The following PCNX2 variants were observed in gnomAD, a reference collection of about 807,000 sequenced individuals.
PCNX2 encodes the protein pecanex-like protein 2.
In PCNX2, 168 loss-of-function variants were observed where a neutral mutation model predicts 223.8. The observed-to-expected ratio is 0.75, with a 90% confidence interval of 0.66 to 0.85. PCNX2 has a LOEUF of 0.85. Among genes scored for constraint, PCNX2 ranks in the 40% least tolerant of loss-of-function variants. The pLI is 0.00. For synonymous variants in PCNX2, 1,006 were observed against 1,052.6 expected (o/e 0.96, Z 0.86); for missense variants, 2,507 against 2,675.5 (o/e 0.94, Z 1.39).
rs149648003 is a variant in PCNX2 at position 233,228,675 on chromosome 1, T to A, written c.2359-1304A>T. Among the ~76,000 whole-genome samples, 887 of 152,362 alleles carry A rather than the reference T, an allele frequency of 5.8e-3. 9 individuals carry two copies. The highest frequency in any genetic ancestry group is 0.02 in the African/African-American group (836 of 41,592). On this transcript the variant is annotated intron_variant, in intron 9 of 33. Coordinates refer to ENST00000258229, the MANE Select transcript of PCNX2 (RefSeq NM_014801.4). ...TTAAGGCTGAATAATACTCCTTGTATGTCTGTATCACGTTTTGTTAATCCA... is the reference window on the plus strand; with the variant it reads ...TTAAGGCTGAATAATACTCCTTGTAAGTCTGTATCACGTTTTGTTAATCCA...
In PCNX2 at chr1:233,218,061, G is replaced by A. The variant is rs371118627; in HGVS notation, c.2628C>T (p.Val876=). The A allele has an allele frequency of 1.4e-4, 228 of 1,601,308 alleles. No individual in the cohort carries two copies. Among genetic ancestry groups the A allele is most frequent in the Non-Finnish European group, 1.8e-4 (217 of 1,173,788 alleles). The change falls in exon 11 of 34, where the codon GTC becomes GTT. Residue 876 remains valine, a synonymous_variant. Coordinates refer to ENST00000258229, the MANE Select transcript of PCNX2 (RefSeq NM_014801.4). The stretch of plus-strand genomic sequence containing the variant: ...GCAGGGAGTACTGGCAGCTGGCCAT[G>A]ACGAGGCAGAAGAGGAGCACCCACA... ...KDMWVLLFCL[V]MASCQYSLLK...
intron 23 of PCNX2, among the ~76,000 whole-genome samples, chr1:233,087,915 A>G (rs1673684565): frequency 1.3e-5 from 2 of 152,186 alleles, no homozygotes; most frequent in Admixed American, 6.5e-5. Flanking sequence ...CACCCCACAC[A>G]CACATACAGG....
intron 25 of PCNX2, among the ~76,000 whole-genome samples, chr1:233,037,109 G>C (rs1671480914): frequency 6.6e-6 from 1 of 152,136 alleles, no homozygotes; most frequent in South Asian, 2.1e-4. Flanking sequence ...ACATCCACTT[G>C]GTAATCAATC....
chr1:233,176,248 T>C (rs1486937663), intron 17 of PCNX2, among the ~76,000 whole-genome samples: 1 of 152,236 alleles, frequency 6.6e-6, no homozygotes. Flanking sequence ...AAACGACATC[T>C]GCTAAAAGAA....
At chr1:233,256,827 T>C (rs1659759830) in intron 5 of PCNX2, among the ~76,000 whole-genome samples, 1 of 152,174 alleles carries the variant, frequency 6.6e-6, no homozygotes, top group Non-Finnish European at 1.5e-5. Context: ...AAAGTTTAAC[T>C]GAATCAGAAA....
intron 21 of PCNX2, among the ~76,000 whole-genome samples, 186 bp from the exon 22 acceptor site, chr1:233,096,049 T>TA (rs1159845285): frequency 6.6e-6 from 1 of 152,224 alleles, no homozygotes; most frequent in East Asian, 1.9e-4. Flanking sequence ...GAAACAGCAA[T>TA]AGGCTGATCA....
chr1:233,187,606 G>T (rs187245466), intron 15 of PCNX2, among the ~76,000 whole-genome samples: 1 of 152,086 alleles, frequency 6.6e-6, no homozygotes, highest in East Asian at 1.9e-4. Context: ...CAACTTCTGA[G>T]CTATCAATCA....
intron 1 of PCNX2, among the ~76,000 whole-genome samples, chr1:233,280,240 C>T (rs183194778): frequency 7.1e-4 from 108 of 151,854 alleles, no homozygotes; most frequent in African/African-American, 2.6e-3. Context: ...TCACTTTGAA[C>T]GTACATCCCT....
At chr1:233,038,099 A>T (rs1328615229) in intron 25 of PCNX2, among the ~76,000 whole-genome samples, 2 of 152,192 alleles carry the variant, frequency 1.3e-5, no homozygotes. Context: ...TTTATCACAC[A>T]CTGTCTAATG....
chr1:233,190,253 A>G (rs941381501), intron 15 of PCNX2, among the ~76,000 whole-genome samples: 2 of 152,224 alleles, frequency 1.3e-5, no homozygotes, highest in African/African-American at 2.4e-5. Flanking sequence ...GTAAGCATAA[A>G]AGGCATAAAC....
At chr1:233,283,021 T>TA (rs34117932) in intron 1 of PCNX2, among the ~76,000 whole-genome samples, 89,836 of 149,044 alleles carry the variant, frequency 0.6, 27,507 homozygotes, top group East Asian at 0.81. Context: ...ATGCGTATTC[T>TA]AAAAAAAAAA....
chr1:233,053,547 G>A lies in PCNX2; in HGVS notation c.4351+721C>T, dbSNP rs1322511021. 2.0e-5 allele frequency among the ~76,000 whole-genome samples: 3 copies of A among 152,276 alleles called. No individual in the cohort carries two copies. The East Asian group carries it at 5.8e-4, about 29-fold the overall frequency. On this transcript the variant is annotated intron_variant, in intron 25 of 33. Coordinates refer to ENST00000258229, the MANE Select transcript of PCNX2 (RefSeq NM_014801.4). ...CTTCATGGTGATAAGACTCTTTTAT[G>A]TCACGTGTCCATTGCATCTCCAGTA...
intron 5 of PCNX2, 35 bp downstream of exon 5, chr1:233,257,993 G>A (rs1418553061): frequency 6.3e-7 from 1 of 1,591,690 alleles, no homozygotes; most frequent in African/African-American, 1.3e-5. Flanking sequence ...TGCCTTCTAT[G>A]TCATCATCAG....
At chr1:233,266,118 G>T (rs997754714) in intron 1 of PCNX2, among the ~76,000 whole-genome samples, 9 of 152,170 alleles carry the variant, frequency 5.9e-5, no homozygotes, top group Non-Finnish European at 1.3e-4. Context: ...GGGAGACAGA[G>T]ATTTTACTGA....
intron 15 of PCNX2, among the ~76,000 whole-genome samples, chr1:233,192,873 A>T (rs142785926): frequency 2.2e-4 from 33 of 151,100 alleles, no homozygotes; most frequent in Non-Finnish European, 3.7e-4. Flanking sequence ...TCTGCTGTAT[A>T]ACATTATGCC....
At chr1:233,218,870 A>C (rs1474543524) in intron 10 of PCNX2, among the ~76,000 whole-genome samples, 1 of 152,108 alleles carries the variant, frequency 6.6e-6, no homozygotes, top group African/African-American at 2.4e-5. Flanking sequence ...AGGGGGTGGT[A>C]AGGGGGATGC....
In PCNX2 at chr1:233,133,080, G is replaced by A. The variant is rs139156041; in HGVS notation, c.3837+1933C>T. Reference sequence around the variant, plus strand: ...CTCTTGGCTAATTTTTGTACTTTTTGTAGAGACTGGGTTTCGCCATGTTGC... The same window carrying A: ...CTCTTGGCTAATTTTTGTACTTTTTATAGAGACTGGGTTTCGCCATGTTGC... On this transcript the variant is annotated intron_variant, in intron 21 of 33. Transcript: ENST00000258229. Among the ~76,000 whole-genome samples the A allele has an allele frequency of 3.3e-3, 498 of 151,842 alleles. 4 individuals are homozygous for A. The highest frequency in any genetic ancestry group is 0.011 in the African/African-American group (470 of 41,380).
chr1:233,043,735 A>C, intron 25 of PCNX2, among the ~76,000 whole-genome samples: 1 of 105,198 alleles, frequency 9.5e-6, no homozygotes, highest in African/African-American at 3.7e-5. Context: ...AAGGACACGA[A>C]CTCATCATTT....
chr1:233,051,491 T>G (rs943842410), intron 25 of PCNX2, among the ~76,000 whole-genome samples: 1 of 152,188 alleles, frequency 6.6e-6, no homozygotes, highest in African/African-American at 2.4e-5. Flanking sequence ...GGGGTACATA[T>G]ACACCATGGA....
Sources: allele counts gnomAD v4.1 joint callset (sites outside exome capture counted in the v4.1 genomes callset), GRCh38; gene constraint gnomAD v4.1.1; transcripts MANE v1.5; gene names NCBI Gene and HGNC (gene_info 2026-07-23, HGNC 2026-07-21).